Variants in NPAS3 observed in about 807,000 individuals in gnomAD.
NPAS3 encodes the protein neuronal PAS domain protein 3, also known as neuronal PAS domain-containing protein 3.
In NPAS3, 14 loss-of-function variants were observed where a neutral mutation model predicts 73.1. The observed-to-expected ratio is 0.19, with a 90% CI of 0.13 to 0.30. NPAS3 has a LOEUF of 0.30. NPAS3 is among the 10% of genes least tolerant of loss of function. The pLI is 1.00. For missense variants in NPAS3, 1,096 were observed against 1,250.0 expected (o/e 0.88, Z 1.86); for synonymous variants, 620 against 541.5 (o/e 1.14, Z -2.01).
At chr14:33,510,237 G>A (rs1250115990) in intron 4 of NPAS3, among the ~76,000 whole-genome samples, 1 of 152,004 alleles carries the variant, frequency 6.6e-6, no homozygotes, top group Non-Finnish European at 1.5e-5. Flanking sequence ...TTCAAAATCT[G>A]TGCCCTAAAA....
At chr14:33,167,893 G>C (rs2045226470) in intron 2 of NPAS3, among the ~76,000 whole-genome samples, 1 of 152,208 alleles carries the variant, frequency 6.6e-6, no homozygotes, top group African/African-American at 2.4e-5. Flanking sequence ...TCCTTGCTTA[G>C]AAGTGAATGA....
intron 3 of NPAS3, among the ~76,000 whole-genome samples, chr14:33,290,544 G>A (rs766893702): frequency 1.6e-4 from 24 of 152,184 alleles, no homozygotes; most frequent in Non-Finnish European, 2.9e-4. Flanking sequence ...GTGTGGGTGA[G>A]TTAACAAAAT....
At chr14:33,445,604 A>G (rs1010283962) in intron 4 of NPAS3, among the ~76,000 whole-genome samples, 2 of 152,206 alleles carry the variant, frequency 1.3e-5, no homozygotes, top group Middle Eastern at 3.2e-3. Context: ...GCTTTCTCAT[A>G]CCAAGCCATA....
Position 33,631,831 on chromosome 14 carries a change from G to A in NPAS3, c.559-44380G>A, listed in dbSNP as rs561890129. The stretch of plus-strand genomic sequence containing the variant: ...TACACTGTGTTTGTATTTGATGGTC[G>A]TGGCAACAAGCTAAGGGAAGGCTCA... On this transcript the variant is annotated intron_variant, in intron 5 of 11. Transcript: ENST00000356141. Among the ~76,000 whole-genome samples the A allele has an allele frequency of 3.3e-4, 51 of 152,242 alleles. 1 individual carries two copies. The highest frequency in any genetic ancestry group is 1.2e-3 in the African/African-American group (51 of 41,534).
Position 33,680,162 on chromosome 14 carries a change from C to G in NPAS3, c.733+3777C>G, listed in dbSNP as rs76017567. Reference sequence around the variant, plus strand: ...TCATTATTACTCTTAATGATTCTGCCATCTTGGGATTATGAGTACTATCCT... The same window carrying G: ...TCATTATTACTCTTAATGATTCTGCGATCTTGGGATTATGAGTACTATCCT... On this transcript the variant is annotated intron_variant, in intron 6 of 11. Transcript: ENST00000356141. Among the ~76,000 whole-genome samples the G allele has an allele frequency of 3.9e-5, 6 of 152,236 alleles. No homozygotes were observed. The East Asian group carries it at 1.2e-3, about 29-fold the overall frequency.
At chr14:33,366,950 T>A (rs1327447170) in intron 3 of NPAS3, among the ~76,000 whole-genome samples, 1 of 151,894 alleles carries the variant, frequency 6.6e-6, no homozygotes, top group Non-Finnish European at 1.5e-5. Flanking sequence ...GGAAAATTTT[T>A]AAAGTCTGAA....
At chr14:33,783,699 C>A (rs941972787) in intron 9 of NPAS3, among the ~76,000 whole-genome samples, 1 of 152,070 alleles carries the variant, frequency 6.6e-6, no homozygotes, top group Non-Finnish European at 1.5e-5. Context: ...GGGTTGAGCT[C>A]CAGCGGCGCA....
intron 2 of NPAS3, among the ~76,000 whole-genome samples, chr14:33,109,810 C>CTTGT (rs2042832372): frequency 1.2e-5 from 1 of 86,948 alleles, no homozygotes; most frequent in Admixed American, 1.5e-4. Flanking sequence ...ATTTGCATGT[C>CTTGT]TTTTTTTTTT....
intron 3 of NPAS3, among the ~76,000 whole-genome samples, chr14:33,319,179 C>A (rs930722313): frequency 6.6e-6 from 1 of 151,770 alleles, no homozygotes; most frequent in East Asian, 1.9e-4. Flanking sequence ...GGTGAGACTT[C>A]TTATGTGGTA....
At chr14:33,522,320 A>T (rs1595080018) in intron 4 of NPAS3, among the ~76,000 whole-genome samples, 1 of 152,072 alleles carries the variant, frequency 6.6e-6, no homozygotes, top group Non-Finnish European at 1.5e-5. Context: ...GTGTTTTTTT[A>T]AAAACTTCTT....
At chr14:33,718,334 TTCA>T (rs1234649538) in intron 6 of NPAS3, among the ~76,000 whole-genome samples, 57 of 152,280 alleles carry the variant, frequency 3.7e-4, no homozygotes, top group African/African-American at 1.3e-3. Context: ...ATCTTTCTTT[TTCA>T]TCATTTTTAT....
chr14:33,354,754 G>A lies in NPAS3; in HGVS notation c.386-12432G>A, dbSNP rs563031284. Reference sequence around the variant, plus strand: ...TGTGTTATAACTCAGAACTCATACTGCGCTCTGGCTTTTCCCTTATGAGGT... The same window carrying A: ...TGTGTTATAACTCAGAACTCATACTACGCTCTGGCTTTTCCCTTATGAGGT... On this transcript the variant is annotated intron_variant, in intron 3 of 11. Coordinates refer to ENST00000356141, the Ensembl canonical transcript of NPAS3. Among the ~76,000 whole-genome samples, 26 of 152,270 alleles carry A rather than the reference G, an allele frequency of 1.7e-4. 1 individual carries two copies.
At chr14:33,085,131 C>T (rs1362627295) in intron 2 of NPAS3, among the ~76,000 whole-genome samples, 1 of 152,106 alleles carries the variant, frequency 6.6e-6, no homozygotes, top group Non-Finnish European at 1.5e-5. Flanking sequence ...TCTTTGGTAC[C>T]ATGTTGCGTG....
intron 2 of NPAS3, among the ~76,000 whole-genome samples, chr14:33,168,076 T>G (rs554941098): frequency 2.6e-5 from 4 of 152,304 alleles, no homozygotes; most frequent in African/African-American, 9.6e-5. Context: ...CTTTCTTGAC[T>G]GATTTCCGGG....
chr14:32,987,271 T>C (rs1254244402), intron 1 of NPAS3, among the ~76,000 whole-genome samples: 1 of 150,122 alleles, frequency 6.7e-6, no homozygotes, highest in Non-Finnish European at 1.5e-5. Flanking sequence ...CAATTTCCCT[T>C]CTCTCCCTCT....
chr14:33,273,227 T>C (rs1214509045), intron 3 of NPAS3, among the ~76,000 whole-genome samples: 1 of 152,144 alleles, frequency 6.6e-6, no homozygotes, highest in Non-Finnish European at 1.5e-5. Flanking sequence ...CTGGTGCAAA[T>C]CTCCTCTCTT....
At chr14:33,678,483 A>G (rs1339629791) in intron 6 of NPAS3, among the ~76,000 whole-genome samples, 1 of 152,172 alleles carries the variant, frequency 6.6e-6, no homozygotes, top group Non-Finnish European at 1.5e-5. Flanking sequence ...GCGTGTTCCT[A>G]AAAGCCTCAC....
chr14:33,630,798 A>G (rs1052021326), intron 5 of NPAS3, among the ~76,000 whole-genome samples: 2 of 152,236 alleles, frequency 1.3e-5, no homozygotes, highest in Non-Finnish European at 2.9e-5. Flanking sequence ...TCTCCCAAAC[A>G]GTATATCTAA....
At chr14:33,363,786 G>A (rs1236039440) in intron 3 of NPAS3, among the ~76,000 whole-genome samples, 1 of 152,130 alleles carries the variant, frequency 6.6e-6, no homozygotes, top group African/African-American at 2.4e-5. Context: ...GAATTCCTGT[G>A]GCTTGGGCTT....
Sources: gnomAD v4.1 joint callset for allele counts (sites outside exome capture counted in the v4.1 genomes callset) on GRCh38, gnomAD v4.1.1 for gene constraint, MANE v1.5 for transcripts, NCBI Gene and HGNC (gene_info 2026-07-23, HGNC 2026-07-21) for gene names.